Variants in FAAH2 observed in about 807,000 individuals in gnomAD.
The protein encoded by FAAH2 is fatty acid amide hydrolase 2.
Under a neutral mutation model 36.9 loss-of-function variants are expected in FAAH2, and 60 were observed. The ratio of observed to expected loss-of-function variants is 1.63; its 90% confidence interval spans 1.32 to 2.02. The LOEUF (loss-of-function observed/expected upper bound fraction) is 2.02. Among genes scored for constraint, FAAH2 ranks in the 30% most tolerant of loss-of-function variants. The probability of loss-of-function intolerance (pLI) is 0.00; values close to 1 mark genes in which losing one functional copy is unlikely to be tolerated. For synonymous variants in FAAH2, 214 were observed against 143.8 expected (o/e 1.49, Z -3.49); for missense variants, 689 against 397.5 (o/e 1.73, Z -6.23).
At chrX:57,143,088 C>A in the FAAH2 span, among the ~76,000 whole-genome samples, 2 of 111,121 alleles carry the variant, frequency 1.8e-5, no homozygotes, top group African/African-American at 6.5e-5. Flanking sequence ...TTGATTAGAT[C>A]ATTTATTCCA....
At chrX:57,163,936 CA>C in the FAAH2 span, among the ~76,000 whole-genome samples, 1 of 112,140 alleles carries the variant, frequency 8.9e-6, no homozygotes, top group Non-Finnish European at 1.9e-5. Context: ...AAATGGAAAA[CA>C]AAACAAATGC....
chrX:57,478,329 T>C (rs1273629730), intron 10 of FAAH2, among the ~76,000 whole-genome samples: 1 of 111,490 alleles, frequency 9.0e-6, no homozygotes, highest in African/African-American at 3.3e-5. Flanking sequence ...CACTTTTTGA[T>C]GGGGTTGTTT....
chrX:57,410,759 C>A (rs768096891), intron 7 of FAAH2, among the ~76,000 whole-genome samples: 6 of 111,242 alleles, frequency 5.4e-5, no homozygotes, highest in South Asian at 3.8e-4. Flanking sequence ...TCTAGAATTT[C>A]TTTTCCTTTC....
chrX:57,268,317 G>A, the FAAH2 span, among the ~76,000 whole-genome samples: 1 of 111,418 alleles, frequency 9.0e-6, no homozygotes, highest in Non-Finnish European at 1.9e-5. Context: ...AGAATTAAAA[G>A]GAGTATATAA....
At chrX:57,330,936 C>A (rs183781745) in intron 3 of FAAH2, among the ~76,000 whole-genome samples, 33 of 110,457 alleles carry the variant, frequency 3.0e-4, no homozygotes, top group Non-Finnish European at 5.5e-4. Context: ...TACTTAGGGG[C>A]TGCACTGCAA....
chrX:57,480,146 G>A lies in FAAH2; in HGVS notation c.1424-8611G>A, dbSNP rs1360314915. ...TAGCTTACCAACCAAAAAGAGTCCT[G>A]GACCAGATGGTTTCACAGCCGAATT... On this transcript the variant is annotated intron_variant, in intron 10 of 10. Transcript: ENST00000374900. 9.0e-5 allele frequency among the ~76,000 whole-genome samples: 10 copies of A among 111,024 alleles called. No individual in the cohort carries two copies. The East Asian group carries it at 1.4e-3, about 16-fold the overall frequency.
chrX:57,352,534 C>T (rs1273893916), intron 5 of FAAH2, among the ~76,000 whole-genome samples: 2 of 110,619 alleles, frequency 1.8e-5, no homozygotes, highest in East Asian at 5.8e-4. Context: ...GCTGAAAGCA[C>T]TTCCTCTAAC....
chrX:57,337,817 T>C (rs1174701535), intron 4 of FAAH2, among the ~76,000 whole-genome samples: 2 of 112,091 alleles, frequency 1.8e-5, no homozygotes, highest in Non-Finnish European at 3.8e-5. Flanking sequence ...GGGCAAAAGC[T>C]GGAAGCATTC....
At chrX:57,281,476 A>T in the FAAH2 span, among the ~76,000 whole-genome samples, 5 of 111,999 alleles carry the variant, frequency 4.5e-5, no homozygotes, top group Non-Finnish European at 1.9e-5. Flanking sequence ...GGGTAACAAG[A>T]AATTTGATTT....
At chrX:57,190,656 C>T in the FAAH2 span, among the ~76,000 whole-genome samples, 3 of 110,305 alleles carry the variant, frequency 2.7e-5, no homozygotes, top group East Asian at 5.8e-4. Context: ...GAAGCCCCTC[C>T]ACCCGCTCCT....
the FAAH2 span, among the ~76,000 whole-genome samples, chrX:57,189,518 G>A: frequency 9.1e-6 from 1 of 109,565 alleles, no homozygotes; most frequent in Admixed American, 9.8e-5. Flanking sequence ...TCATCTTCAT[G>A]GATTTATCTA....
At chrX:57,322,943 AT>A (rs747939166) in intron 3 of FAAH2, among the ~76,000 whole-genome samples, 333 of 110,254 alleles carry the variant, frequency 3.0e-3, no homozygotes, top group African/African-American at 0.01. Flanking sequence ...TTAACTTGTC[AT>A]TTAATATTAG....
chrX:57,259,064 C>T, the FAAH2 span, among the ~76,000 whole-genome samples: 2 of 110,741 alleles, frequency 1.8e-5, no homozygotes, highest in African/African-American at 3.3e-5. Context: ...CACCTTACAT[C>T]TGTTAGGATG....
At chrX:57,244,676 T>C in the FAAH2 span, among the ~76,000 whole-genome samples, 1 of 111,490 alleles carries the variant, frequency 9.0e-6, no homozygotes, top group African/African-American at 3.3e-5. Context: ...GACAAGCAAA[T>C]TCTGAGAGAT....
In FAAH2 at chrX:57,372,833, T is replaced by C. The variant is rs776861365; in HGVS notation, c.743-5818T>C. 4.5e-5 allele frequency among the ~76,000 whole-genome samples: 5 copies of C among 110,577 alleles called. No homozygotes were observed. The East Asian group carries it at 1.4e-3, about 32-fold the overall frequency. ...TTTGGTGCACCCATCACCCGAGCAG[T>C]ATACACTGTACCCAGTATATAGATT... On this transcript the variant is annotated intron_variant, in intron 5 of 10. Transcript: ENST00000374900.
the FAAH2 span, among the ~76,000 whole-genome samples, chrX:57,131,839 A>C: frequency 8.9e-6 from 1 of 112,095 alleles, no homozygotes; most frequent in Admixed American, 9.4e-5. Context: ...AGGAAAAAAA[A>C]ACTTTTGAAT....
At chrX:57,389,319 A>G (rs2055108002) in intron 7 of FAAH2, among the ~76,000 whole-genome samples, 1 of 103,980 alleles carries the variant, frequency 9.6e-6, no homozygotes, top group South Asian at 4.4e-4. Context: ...TATATAATAT[A>G]TAATGACTAA....
intron 2 of FAAH2, among the ~76,000 whole-genome samples, chrX:57,295,349 C>A (rs1358646045): frequency 1.8e-5 from 2 of 112,065 alleles, no homozygotes; most frequent in Admixed American, 9.5e-5. Context: ...GAAACAAACC[C>A]CTTCACCTCT....
chrX:57,438,981 T>A (rs2056482074), intron 8 of FAAH2, among the ~76,000 whole-genome samples: 1 of 111,010 alleles, frequency 9.0e-6, no homozygotes, highest in African/African-American at 3.3e-5. Context: ...GGTGCCACAT[T>A]TTCTTAATCC....
Sources: gnomAD v4.1 joint callset for allele counts (sites outside exome capture counted in the v4.1 genomes callset) on GRCh38, gnomAD v4.1.1 for gene constraint, MANE v1.5 for transcripts, NCBI Gene and HGNC (gene_info 2026-07-23, HGNC 2026-07-21) for gene names.